CCDC88C: variants seen among roughly 807,000 people sequenced by gnomAD.
CCDC88C encodes the protein protein Daple.
CCDC88C carries 131 observed loss-of-function variants against 198.8 expected under a neutral mutation model. That is an observed-to-expected ratio of 0.66 (90% CI 0.57 to 0.76). The LOEUF is 0.76. Among genes scored for constraint, CCDC88C ranks in the 30% least tolerant of loss-of-function variants. The pLI is 0.00. For missense variants in CCDC88C, 2,553 were observed against 2,631.6 expected (o/e 0.97, Z 0.65); for synonymous variants, 1,166 against 1,114.7 (o/e 1.05, Z -0.92).
At chr14:91,294,438 G>T in intron 22 of CCDC88C, 120 bp from the exon 23 acceptor site, 1 of 1,197,838 alleles carries the variant, frequency 8.3e-7, no homozygotes. Flanking sequence ...CATAATCTAC[G>T]CCAGTGGAAA....
At position 91,318,917 on chromosome 14, in the gene CCDC88C, CAAAAAAA is replaced by C. The variant is rs61183857; in HGVS notation, c.1527+2196_1527+2202del. On this transcript the variant is annotated intron_variant, in intron 13 of 29. Coordinates refer to ENST00000389857, the MANE Select transcript of CCDC88C (RefSeq NM_001080414.4). Reference sequence around the variant, plus strand: ...CTGGACAACAGAGCGAGACTCCGTCCAAAAAAAAAAAAAAAAAAAAAGAACCTGCAGA... The same window carrying C: ...CTGGACAACAGAGCGAGACTCCGTCCAAAAAAAAAAAAAAGAACCTGCAGA... Among the ~76,000 whole-genome samples, 269 of 105,284 alleles carry C rather than the reference CAAAAAAA, an allele frequency of 2.6e-3. 3 individuals carry two copies. The highest frequency in any genetic ancestry group is 8.7e-3 in the African/African-American group (244 of 27,950). The allele number at this position is 105,284 out of a possible 152,430, so 69.1% of individuals were successfully genotyped here. A position where few individuals can be genotyped will look rare whatever the true frequency, so the allele number is the denominator to read the frequency against.
At chr14:91,293,114 CCGTCCTCACT>C (rs1890743202) in intron 23 of CCDC88C, among the ~76,000 whole-genome samples, 3 of 147,426 alleles carry the variant, frequency 2.0e-5, no homozygotes, top group East Asian at 2.1e-4. Context: ...GCCCACCTTC[CCGTCCTCACT>C]TGCCACAGCC....
Position 91,343,658 on chromosome 14 carries a change from C to A in CCDC88C, c.341-1G>T, listed in dbSNP as rs759978909. The A allele has an allele frequency of 6.2e-7, 1 of 1,613,552 alleles. No individual in the cohort carries two copies. On this transcript the variant is annotated splice_acceptor_variant, in intron 4 of 29. Transcript: ENST00000389857. LOFTEE classifies it high-confidence loss of function. ...TTCTTGATTTCCTCCATGCTCTTCC[C>A]TAGATCAAGAGAGCAACACATTTAA...
intron 13 of CCDC88C, 91 bp downstream of exon 13, chr14:91,321,029 T>TCC: frequency 7.8e-7 from 1 of 1,284,566 alleles, no homozygotes; most frequent in Non-Finnish European, 1.1e-6. Context: ...CCTGGCCCCC[T>TCC]CCTTGTCTGT....
intron 26 of CCDC88C, among the ~76,000 whole-genome samples, chr14:91,282,638 C>G (rs1890244424): frequency 6.6e-6 from 1 of 152,170 alleles, no homozygotes. Flanking sequence ...ATATTTTAAT[C>G]TCATGCCTAA....
chr14:91,375,771 C>T (rs578207396), intron 3 of CCDC88C, among the ~76,000 whole-genome samples: 1 of 152,332 alleles, frequency 6.6e-6, no homozygotes, highest in East Asian at 1.9e-4. Context: ...CTGTCCGTGC[C>T]CGGAGCACCT....
At chr14:91,398,562 C>T (rs369268137) in intron 3 of CCDC88C, among the ~76,000 whole-genome samples, 287 of 152,294 alleles carry the variant, frequency 1.9e-3, no homozygotes, top group African/African-American at 6.6e-3. Context: ...TAGATTGAGG[C>T]TGGAGGATTG....
chr14:91,321,374 G>C, intron 12 of CCDC88C, 70 bp from the exon 13 acceptor site: 1 of 1,486,508 alleles, frequency 6.7e-7, no homozygotes, highest in Admixed American at 2.0e-5. Context: ...CCCAAGCTCC[G>C]AGATGGTCAT....
intron 27 of CCDC88C, 167 bp from the exon 28 acceptor site, chr14:91,279,473 C>T: frequency 1.7e-6 from 1 of 580,658 alleles, no homozygotes; most frequent in Non-Finnish European, 3.0e-6. Context: ...GTGAGGAAGC[C>T]TCACTTCACC....
In CCDC88C at chr14:91,338,668, A is replaced by G. The variant is rs1893167385; in HGVS notation, c.810-98T>C. On this transcript the variant is annotated intron_variant, in intron 8 of 29. Coordinates refer to ENST00000389857, the MANE Select transcript of CCDC88C (RefSeq NM_001080414.4). This position sits in a 1 kb window ranked among gnomAD's most constrained non-coding sequence, Gnocchi z 4.8. Reference sequence around the variant, plus strand: ...CTTCCTAAAACCTGTGGGAAAAGGAAAGGACTCGGGATTTGGGCGGTGGGG... The same window carrying G: ...CTTCCTAAAACCTGTGGGAAAAGGAGAGGACTCGGGATTTGGGCGGTGGGG... The G allele has an allele frequency of 1.2e-5, 11 of 906,598 alleles. No individual in the cohort carries two copies. The highest frequency in any genetic ancestry group is 2.1e-4 in the Middle Eastern group (1 of 4,754). 56.2% of individuals were successfully genotyped at this position (906,598 alleles called of 1,614,324 possible). A position where few individuals can be genotyped will look rare whatever the true frequency, so the allele number is the denominator to read the frequency against.
chr14:91,306,996 C>G lies in CCDC88C; in HGVS notation c.3195+42G>C, dbSNP rs374077374. On this transcript the variant is annotated intron_variant, in intron 18 of 29. Coordinates refer to ENST00000389857, the MANE Select transcript of CCDC88C (RefSeq NM_001080414.4). ...GGACTACTGATAAGGCAGTCTCTCTCTCTCTGTCCCCGATGGACCATGCCC... is the reference window on the plus strand; with the variant it reads ...GGACTACTGATAAGGCAGTCTCTCTGTCTCTGTCCCCGATGGACCATGCCC... The G allele has an allele frequency of 3.9e-5, 61 of 1,544,428 alleles. No individual in the cohort carries two copies. In the African/African-American group the frequency reaches 7.9e-4, roughly 20 times the overall value.
At chr14:91,281,914 GAGGAAGA>G (rs1890214010) in intron 26 of CCDC88C, among the ~76,000 whole-genome samples, 1 of 152,206 alleles carries the variant, frequency 6.6e-6, no homozygotes, top group African/African-American at 2.4e-5. Flanking sequence ...CAGGTGGTAG[GAGGAAGA>G]AGGAAGAAAA....
chr14:91,375,228 C>G (rs955214806), intron 3 of CCDC88C, among the ~76,000 whole-genome samples: 6 of 152,130 alleles, frequency 3.9e-5, no homozygotes, highest in Admixed American at 1.3e-4. Context: ...AATGAAGGGC[C>G]ACAGGCCCCA....
At chr14:91,322,798 G>C (rs867541416) in intron 12 of CCDC88C, among the ~76,000 whole-genome samples, 5 of 151,622 alleles carry the variant, frequency 3.3e-5, no homozygotes, top group South Asian at 2.1e-4. Flanking sequence ...AAGGTTCTGT[G>C]AGTTAAACAA....
chr14:91,295,655 T>C (rs1165046775), intron 22 of CCDC88C, among the ~76,000 whole-genome samples: 1 of 152,200 alleles, frequency 6.6e-6, no homozygotes, highest in Non-Finnish European at 1.5e-5. Flanking sequence ...GTAAGGCATA[T>C]GGGCTCCTGG....
At chr14:91,373,243 C>T (rs1041110516) in intron 3 of CCDC88C, among the ~76,000 whole-genome samples, 1 of 152,160 alleles carries the variant, frequency 6.6e-6, no homozygotes, top group African/African-American at 2.4e-5. Context: ...GAAAAACACA[C>T]ACGATACCAG....
At position 91,313,801 on chromosome 14, in the gene CCDC88C, T is replaced by C; in HGVS notation, c.2015A>G (p.Gln672Arg). 6.2e-7 allele frequency: 1 copy of C among 1,605,636 alleles called. No homozygotes were observed. Reference protein sequence around the residue: ...EALEHESQGLQLENRTLRKSL... With the variant: ...EALEHESQGLRLENRTLRKSL... Reference sequence around the variant, plus strand: ...CTTCCTCAGAGTCCGGTTCTCCAGCTGCAGGCCCTGGCTCTCATGCTCCAG... The same window carrying C: ...CTTCCTCAGAGTCCGGTTCTCCAGCCGCAGGCCCTGGCTCTCATGCTCCAG... The change falls in exon 15 of 30, where the codon CAG becomes CGG. Residue 672 changes from glutamine to arginine, a missense_variant. By Grantham distance (43) the Gln-to-Arg change is conservative (BLOSUM62 1). Coordinates refer to ENST00000389857, the MANE Select transcript of CCDC88C (RefSeq NM_001080414.4). This position sits in a 1 kb window ranked among gnomAD's most constrained non-coding sequence, Gnocchi z 5.2.
At chr14:91,408,380 G>A (rs1840059341) in intron 3 of CCDC88C, 5 of 349,056 alleles carry the variant, frequency 1.4e-5, no homozygotes, top group Admixed American at 1.2e-4. Context: ...GCATTCTCGG[G>A]GCAGAGGCTG....
intron 4 of CCDC88C, among the ~76,000 whole-genome samples, chr14:91,349,583 C>G (rs999408801): frequency 1.3e-5 from 2 of 152,230 alleles, no homozygotes; most frequent in African/African-American, 4.8e-5. Context: ...ACACTTAACA[C>G]AACTACACTC....
Sources: gnomAD v4.1 joint callset for allele counts (sites outside exome capture counted in the v4.1 genomes callset) on GRCh38, gnomAD v4.1.1 for gene constraint, Gnocchi (gnomAD v3.1) non-coding constraint, MANE v1.5 for transcripts, NCBI Gene and HGNC (gene_info 2026-07-23, HGNC 2026-07-21) for gene names.